TMEM132B: variants seen among roughly 807,000 people sequenced by gnomAD.
TMEM132B encodes the protein transmembrane protein 132B.
In TMEM132B, 18 loss-of-function variants were observed where a neutral mutation model predicts 90.8. The ratio of observed to expected loss-of-function variants is 0.20; its 90% CI spans 0.14 to 0.29. The LOEUF (loss-of-function observed/expected upper bound fraction) is 0.29. Ranked by LOEUF, TMEM132B falls within the 10% of genes least tolerant of loss-of-function variation. TMEM132B has a pLI of 1.00. For missense variants in TMEM132B, 1,096 were observed against 1,326.8 expected (o/e 0.83, Z 2.70); for synonymous variants, 504 against 523.3 (o/e 0.96, Z 0.50).
intron 3 of TMEM132B, among the ~76,000 whole-genome samples, chr12:125,443,286 C>A (rs1011737819): frequency 6.6e-6 from 1 of 152,164 alleles, no homozygotes; most frequent in Admixed American, 6.5e-5. Flanking sequence ...CCATCGTAAA[C>A]TATTGAGGGG....
chr12:125,284,785 C>T (rs535018815), intron 1 of TMEM132B, among the ~76,000 whole-genome samples: 3 of 152,264 alleles, frequency 2.0e-5, no homozygotes, highest in South Asian at 4.1e-4. Context: ...CTAAAATATC[C>T]AGAGAAGTGG....
At chr12:125,610,527 T>C (rs1243397373) in intron 5 of TMEM132B, among the ~76,000 whole-genome samples, 3 of 152,176 alleles carry the variant, frequency 2.0e-5, no homozygotes, top group Non-Finnish European at 4.4e-5. Flanking sequence ...TCTTTATTGA[T>C]ATGCTCATTT....
Position 125,407,412 on chromosome 12 carries a change from G to A in TMEM132B, c.960-8119G>A, listed in dbSNP as rs963151798. ...AAGTAGAAGACAGAAAGATGCAGGT[G>A]TGTACTCACAGAGCAGGTTTCCTTT... is the stretch of plus-strand genomic sequence containing the variant. On this transcript the variant is annotated intron_variant, in intron 2 of 8. Coordinates refer to ENST00000682704, the MANE Select transcript of TMEM132B (RefSeq NM_001366854.1). This position sits in a 1 kb window ranked among gnomAD's most constrained non-coding sequence, Gnocchi z 6.7. Among the ~76,000 whole-genome samples the A allele has an allele frequency of 1.3e-5, 2 of 152,230 alleles. No individual in the cohort carries two copies. Among genetic ancestry groups the A allele is most frequent in the African/African-American group, 4.8e-5 (2 of 41,462 alleles).
chr12:125,221,331 A>G (rs2136074162), intron 1 of TMEM132B, among the ~76,000 whole-genome samples: 1 of 152,338 alleles, frequency 6.6e-6, no homozygotes, highest in South Asian at 2.1e-4. Flanking sequence ...TACTCAGTGC[A>G]TGAGGATTCA....
At chr12:125,500,894 A>G (rs1321306447) in intron 3 of TMEM132B, among the ~76,000 whole-genome samples, 1 of 152,204 alleles carries the variant, frequency 6.6e-6, no homozygotes, top group Non-Finnish European at 1.5e-5. Flanking sequence ...GCTTGTCCCT[A>G]TCTTTGATGT....
Position 125,460,846 on chromosome 12 carries a change from G to T in TMEM132B, c.1106+45169G>T. On this transcript the variant is annotated intron_variant, in intron 3 of 8. Transcript: ENST00000682704. This position sits in a 1 kb window ranked among gnomAD's most constrained non-coding sequence, Gnocchi z 4.4. The stretch of plus-strand genomic sequence containing the variant: ...CTTTCCTTACAATCTTTTACTTCTG[G>T]TCTTTTGAAGACAATGAAACATATT... Among the ~76,000 whole-genome samples, 1 of 152,228 alleles carries T rather than the reference G, an allele frequency of 6.6e-6. No individual in the cohort carries two copies. Among genetic ancestry groups the T allele is most frequent in the Middle Eastern group, 3.4e-3 (1 of 294 alleles).
rs1454113097 is a variant in TMEM132B, at chr12:125,653,978, C to T, written c.2520C>T (p.Gly840=). 6.2e-7 allele frequency: 1 copy of T among 1,614,058 alleles called. No homozygotes were observed. Among genetic ancestry groups the T allele is most frequent in the African/African-American group, 1.3e-5 (1 of 74,918 alleles). The part of the protein sequence containing the change: ...ERAVQEWFHR[G]TPVGQEESTN... ...CAGTCCAGGAATGGTTCCACCGTGG[C>T]ACACCTGTTGGCCAAGAGGAAAGTA... Residue 840 remains glycine, a synonymous_variant, in exon 9 of 9, where the codon GGC becomes GGT. Coordinates refer to ENST00000682704, the MANE Select transcript of TMEM132B (RefSeq NM_001366854.1).
In TMEM132B at chr12:125,517,339, T is replaced by G. The variant is rs1340104787; in HGVS notation, c.1107-2100T>G. ...CCATGCCCTGCTGATTTTTTTTTTT[T>G]TTTTTTTTTTTTTTTTTTTTTTTTT... On this transcript the variant is annotated intron_variant, in intron 3 of 8. Coordinates refer to ENST00000682704, the MANE Select transcript of TMEM132B (RefSeq NM_001366854.1). Among the ~76,000 whole-genome samples the G allele has an allele frequency of 1.1e-4, 4 of 36,730 alleles. 1 individual carries two copies. The highest frequency in any genetic ancestry group is 1.1e-3 in the South Asian group (1 of 882). 24.1% of individuals were successfully genotyped at this position (36,730 alleles called of 152,430 possible).
chr12:125,512,008 T>A (rs1882994936), intron 3 of TMEM132B, among the ~76,000 whole-genome samples: 1 of 152,152 alleles, frequency 6.6e-6, no homozygotes, highest in South Asian at 2.1e-4. Flanking sequence ...GGTCATGCCA[T>A]GTCCCGCCCT....
intron 5 of TMEM132B, among the ~76,000 whole-genome samples, chr12:125,603,011 C>T (rs747948859): frequency 1.3e-5 from 2 of 152,136 alleles, no homozygotes; most frequent in South Asian, 2.1e-4. Context: ...GAAACAATAT[C>T]GTGAAAATGG....
chr12:125,463,422 A>G (rs1388666829), intron 3 of TMEM132B, among the ~76,000 whole-genome samples: 8 of 152,234 alleles, frequency 5.3e-5, no homozygotes, highest in Admixed American at 2.6e-4. Context: ...TTAGTTGCTT[A>G]TAGCTTTCCC....
rs371210033 is a variant in TMEM132B at position 125,556,452 on chromosome 12, G to A, written c.1294-27399G>A. On this transcript the variant is annotated intron_variant, in intron 4 of 8. Coordinates refer to ENST00000682704, the MANE Select transcript of TMEM132B (RefSeq NM_001366854.1). Reference sequence around the variant, plus strand: ...TACATCAGTTAGACTAACTCCAGACGGTGGTATATGATTAGAAGAAAAACC... The same window carrying A: ...TACATCAGTTAGACTAACTCCAGACAGTGGTATATGATTAGAAGAAAAACC... Among the ~76,000 whole-genome samples, 15 of 152,258 alleles carry A rather than the reference G, an allele frequency of 9.9e-5. No individual in the cohort carries two copies. In the East Asian group the frequency reaches 1.9e-3, roughly 20 times the overall value.
intron 1 of TMEM132B, among the ~76,000 whole-genome samples, chr12:125,259,656 T>A (rs1238605297): frequency 6.6e-6 from 1 of 152,152 alleles, no homozygotes; most frequent in East Asian, 1.9e-4. Context: ...TCGTCGGCAG[T>A]GGCATCCCAC....
chr12:125,360,547 G>T (rs1358440344), intron 2 of TMEM132B, among the ~76,000 whole-genome samples: 1 of 152,190 alleles, frequency 6.6e-6, no homozygotes, highest in African/African-American at 2.4e-5. Flanking sequence ...AAGGAAGGTG[G>T]TCTGTGTGCT....
chr12:125,584,114 A>G (rs772282875), intron 5 of TMEM132B, 120 bp downstream of exon 5: 13 of 1,456,132 alleles, frequency 8.9e-6, no homozygotes, highest in Middle Eastern at 1.8e-4. Flanking sequence ...GGAGGCCAGA[A>G]TGACCTCACG....
rs550952794 is a variant in TMEM132B, at chr12:125,542,185, C to T, written c.1293+22560C>T. Among the ~76,000 whole-genome samples the T allele has an allele frequency of 5.9e-5, 9 of 152,232 alleles. No individual in the cohort carries two copies. In the East Asian group the frequency reaches 1.2e-3, roughly 20 times the overall value. ...TTGCTCTTTGACCTGTACATTAATG[C>T]GTACCTCTAACCCAGAGAGAAAACA... On this transcript the variant is annotated intron_variant, in intron 4 of 8. Transcript: ENST00000682704.
chr12:125,517,660 T>C (rs927213335), intron 3 of TMEM132B, among the ~76,000 whole-genome samples: 2 of 152,178 alleles, frequency 1.3e-5, no homozygotes, highest in African/African-American at 4.8e-5. Flanking sequence ...TTTGAGATCA[T>C]CACAGTATGA....
intron 3 of TMEM132B, among the ~76,000 whole-genome samples, chr12:125,517,327 ATTTTTTTTTTTTT>A (rs56147854): frequency 6.0e-4 from 17 of 28,480 alleles, no homozygotes; most frequent in South Asian, 3.0e-3. Flanking sequence ...TGCCCTGCTG[ATTTTTTTTTTTTT>A]TTTTTTTTTT....
At chr12:125,346,767 C>A (rs1877381683) in intron 1 of TMEM132B, among the ~76,000 whole-genome samples, 1 of 152,196 alleles carries the variant, frequency 6.6e-6, no homozygotes, top group Non-Finnish European at 1.5e-5. Context: ...GGAGGAAACC[C>A]AGGTCTATAC....
Sources: allele counts gnomAD v4.1 joint callset (sites outside exome capture counted in the v4.1 genomes callset), GRCh38; gene constraint gnomAD v4.1.1; non-coding constraint Gnocchi (gnomAD v3.1); transcripts MANE v1.5; gene names NCBI Gene and HGNC (gene_info 2026-07-23, HGNC 2026-07-21).